BPNT1: variants seen among roughly 807,000 people sequenced by gnomAD.
The protein encoded by BPNT1 is 3'(2'),5'-bisphosphate nucleotidase 1.
BPNT1 carries 28 observed loss-of-function variants against 36.9 expected under a neutral mutation model. That is an observed-to-expected ratio of 0.76 (90% CI 0.56 to 1.04). The LOEUF is 1.04. Among genes scored for constraint, BPNT1 ranks in the 50% least tolerant of loss-of-function variants. The pLI is 0.00. For missense variants in BPNT1, 313 were observed against 372.9 expected (o/e 0.84, Z 1.32); for synonymous variants, 119 against 130.9 (o/e 0.91, Z 0.62).
At position 220,057,779 on chromosome 1, in the gene BPNT1, A is replaced by G; in HGVS notation, c.*1065T>C. 1 of 1,001,228 alleles carries G rather than the reference A, an allele frequency of 1.0e-6. No individual in the cohort carries two copies. Among genetic ancestry groups the G allele is most frequent in the Non-Finnish European group, 1.4e-6 (1 of 730,420 alleles). The allele number at this position is 1,001,228 out of a possible 1,614,324, so 62.0% of individuals were successfully genotyped here. A position where few individuals can be genotyped will look rare whatever the true frequency, so the allele number is the denominator to read the frequency against. ...AACTTTTCTCATAAATCTGTTTCATAAGCATATATAATAACATCATATATA... is the reference window on the plus strand; with the variant it reads ...AACTTTTCTCATAAATCTGTTTCATGAGCATATATAATAACATCATATATA... On this transcript the variant is annotated 3_prime_UTR_variant, in exon 9 of 9. Coordinates refer to ENST00000322067, the MANE Select transcript of BPNT1 (RefSeq NM_006085.6).
intron 6 of BPNT1, chr1:220,066,109 T>C: frequency 6.6e-7 from 1 of 1,519,934 alleles, no homozygotes; most frequent in Non-Finnish European, 8.8e-7. Context: ...ACTGCTGTTT[T>C]TCATTGTTCT....
intron 1 of BPNT1, 102 bp from the exon 2 acceptor site, chr1:220,079,956 G>A (rs1664953570): frequency 2.4e-6 from 3 of 1,241,808 alleles, no homozygotes; most frequent in East Asian, 2.6e-5. Flanking sequence ...TGCTAACTTG[G>A]GATTGCTCCC....
chr1:220,075,667 T>A (rs1664479442), intron 2 of BPNT1, among the ~76,000 whole-genome samples: 1 of 152,228 alleles, frequency 6.6e-6, no homozygotes, highest in African/African-American at 2.4e-5. Flanking sequence ...GAAATCAATT[T>A]TCTTTTCCTC....
intron 2 of BPNT1, among the ~76,000 whole-genome samples, chr1:220,076,693 A>T (rs969209533): frequency 1.4e-5 from 2 of 142,040 alleles, no homozygotes; most frequent in African/African-American, 5.1e-5. Flanking sequence ...CTTAAAAAAA[A>T]AAATAAATTA....
intron 5 of BPNT1, among the ~76,000 whole-genome samples, chr1:220,067,833 T>C (rs1419553792): frequency 6.6e-6 from 1 of 152,232 alleles, no homozygotes; most frequent in Non-Finnish European, 1.5e-5. Flanking sequence ...TTAACTGATG[T>C]ACTTTTTATA....
In BPNT1 at chr1:220,057,601, T is replaced by C. The variant is rs138241767; in HGVS notation, c.*1243A>G. The C allele has an allele frequency of 2.0e-3, 483 of 241,230 alleles. 2 individuals are homozygous for C. The highest frequency in any genetic ancestry group is 9.8e-3 in the African/African-American group (429 of 43,890). The allele number at this position is 241,230 out of a possible 1,614,324, so 14.9% of individuals were successfully genotyped here. On this transcript the variant is annotated 3_prime_UTR_variant, in exon 9 of 9. Coordinates refer to ENST00000322067, the MANE Select transcript of BPNT1 (RefSeq NM_006085.6). ...TGTTATAATCTCTCATTGGAAGGAA[T>C]AGAAGCAAGTACTTAGCTTTCCACA...
chr1:220,065,269 G>A (rs1393713693), intron 6 of BPNT1, among the ~76,000 whole-genome samples: 1 of 152,140 alleles, frequency 6.6e-6, no homozygotes, highest in Non-Finnish European at 1.5e-5. Flanking sequence ...GTCTTGGTGT[G>A]GTAAATGCAA....
chr1:220,076,731 A>ATAATAG (rs1553261287), intron 2 of BPNT1, among the ~76,000 whole-genome samples: 4 of 149,784 alleles, frequency 2.7e-5, no homozygotes, highest in African/African-American at 9.8e-5. Context: ...AATAATAATA[A>ATAATAG]TAGTAGTAGC....
chr1:220,085,719 A>C (rs1012567575), intron 1 of BPNT1, among the ~76,000 whole-genome samples: 5 of 152,218 alleles, frequency 3.3e-5, no homozygotes, highest in African/African-American at 1.2e-4. Context: ...CCTCAATCAG[A>C]GTATAGTTCA....
chr1:220,062,189 A>T (rs1377922312), intron 7 of BPNT1, among the ~76,000 whole-genome samples: 2 of 151,752 alleles, frequency 1.3e-5, no homozygotes, highest in South Asian at 2.1e-4. Context: ...CATGTGCACA[A>T]TGTGCAGGTT....
chr1:220,059,049 T>A, intron 8 of BPNT1, 57 bp from the exon 9 acceptor site: 1 of 1,586,706 alleles, frequency 6.3e-7, no homozygotes, highest in Non-Finnish European at 8.6e-7. Context: ...TTGTGGTTTT[T>A]CTAGTTATTT....
At chr1:220,069,339 C>T (rs562144719) in intron 5 of BPNT1, 45 bp downstream of exon 5, 5 of 1,411,692 alleles carry the variant, frequency 3.5e-6, no homozygotes, top group Non-Finnish European at 4.9e-6. Context: ...AACATCATAT[C>T]CTTGTCCCAC....
intron 7 of BPNT1, among the ~76,000 whole-genome samples, chr1:220,060,021 G>C (rs1214036552): frequency 6.6e-6 from 1 of 151,966 alleles, no homozygotes; most frequent in South Asian, 2.1e-4. Flanking sequence ...AAAAATAATG[G>C]TCAAAAAAGC....
At chr1:220,060,947 T>C (rs2102628337) in intron 7 of BPNT1, among the ~76,000 whole-genome samples, 1 of 152,330 alleles carries the variant, frequency 6.6e-6, no homozygotes, top group African/African-American at 2.4e-5. Context: ...TGATTGGGTT[T>C]GTCTAAAGAC....
rs369302608 is a variant in BPNT1 at position 220,058,821 on chromosome 1, G to A, written c.*23C>T. 59 of 1,611,180 alleles carry A rather than the reference G, an allele frequency of 3.7e-5. No individual in the cohort carries two copies. Among genetic ancestry groups the A allele is most frequent in the Non-Finnish European group, 4.3e-5 (51 of 1,178,072 alleles). On this transcript the variant is annotated 3_prime_UTR_variant, in exon 9 of 9. Coordinates refer to ENST00000322067, the MANE Select transcript of BPNT1 (RefSeq NM_006085.6). ...TGGGATTACAGGCATGAGCCACCGC[G>A]CCCGGCCAAATGAAACTTTCCTTTA...
At chr1:220,075,077 T>C (rs1325552070) in intron 2 of BPNT1, among the ~76,000 whole-genome samples, 1 of 152,196 alleles carries the variant, frequency 6.6e-6, no homozygotes, top group Non-Finnish European at 1.5e-5. Context: ...GGAGTCTCAC[T>C]CTGTCGCCTA....
chr1:220,082,030 C>T (rs973097300), intron 1 of BPNT1, among the ~76,000 whole-genome samples: 5 of 136,992 alleles, frequency 3.6e-5, no homozygotes, highest in Non-Finnish European at 4.5e-5. Flanking sequence ...ATTATTTCAT[C>T]GCAATAAGGG....
intron 7 of BPNT1, among the ~76,000 whole-genome samples, chr1:220,060,460 A>G (rs111803010): frequency 1.1e-3 from 168 of 152,282 alleles, no homozygotes; most frequent in African/African-American, 3.9e-3. Flanking sequence ...TGGGCGACAG[A>G]GCGAGACTCT....
rs577005243 is a variant in BPNT1, at chr1:220,057,946, G to T, written c.*898C>A. On this transcript the variant is annotated 3_prime_UTR_variant, in exon 9 of 9. Transcript: ENST00000322067. ...TAATCCCAGCACTTTGGGAGTCCGAGGCAGACAGATCACGATGTCAGGAGA... is the reference window on the plus strand; with the variant it reads ...TAATCCCAGCACTTTGGGAGTCCGATGCAGACAGATCACGATGTCAGGAGA... 1.1e-5 allele frequency: 11 copies of T among 969,692 alleles called. 1 individual carries two copies. The South Asian group carries it at 1.4e-4, about 13-fold the overall frequency. The allele number at this position is 969,692 out of a possible 1,614,324, so 60.1% of individuals were successfully genotyped here.
Sources: gnomAD v4.1 joint callset for allele counts (sites outside exome capture counted in the v4.1 genomes callset) on GRCh38, gnomAD v4.1.1 for gene constraint, MANE v1.5 for transcripts, NCBI Gene and HGNC (gene_info 2026-07-23, HGNC 2026-07-21) for gene names.